The following SLC22A12 variants were observed in gnomAD, a reference collection of about 807,000 sequenced individuals.
The protein encoded by SLC22A12 is solute carrier family 22 member 12.
In SLC22A12, 56 loss-of-function variants were observed where a neutral mutation model predicts 52.7. The ratio of observed to expected loss-of-function variants is 1.06; its 90% CI spans 0.86 to 1.33. The LOEUF (loss-of-function observed/expected upper bound fraction) is 1.33, where lower values mean the gene tolerates loss of function less well. Among genes scored for constraint, SLC22A12 ranks in the 40% most tolerant of loss-of-function variants. SLC22A12 has a pLI of 0.00. For missense variants in SLC22A12, 683 were observed against 741.5 expected (o/e 0.92, Z 0.92); for synonymous variants, 337 against 324.6 (o/e 1.04, Z -0.41).
chr11:64,601,372 T>G, intron 9 of SLC22A12, 116 bp from the exon 10 acceptor site: 1 of 1,053,588 alleles, frequency 9.5e-7, no homozygotes, highest in Non-Finnish European at 1.4e-6. Context: ...GGAGCTCAGT[T>G]CTGGGCCCCC....
At chr11:64,598,282 T>G (rs992415660) in intron 4 of SLC22A12, among the ~76,000 whole-genome samples, 9 of 152,018 alleles carry the variant, frequency 5.9e-5, no homozygotes, top group African/African-American at 2.2e-4. Flanking sequence ...AGCCCCAGGA[T>G]GAGAACAGCA....
chr11:64,593,958 C>T (rs943002077), intron 4 of SLC22A12, among the ~76,000 whole-genome samples, 155 bp downstream of exon 4: 1 of 152,138 alleles, frequency 6.6e-6, no homozygotes. Flanking sequence ...GAGTGTACCA[C>T]CCACAAACCC....
At chr11:64,593,001 G>C in intron 2 of SLC22A12, 119 bp downstream of exon 2, 2 of 917,824 alleles carry the variant, frequency 2.2e-6, no homozygotes, top group Non-Finnish European at 3.4e-6. Flanking sequence ...CGCCCTACTT[G>C]CTGGGTGTGG....
Position 64,591,279 on chromosome 11 carries a change from G to A in SLC22A12, c.-278G>A. ...CTACTTTCCAAATTCAGCTTTCCCG[G>A]GAGGTCTGGAGCAGCTGCCTCTCTG... On this transcript the variant is annotated 5_prime_UTR_variant, in exon 1 of 10. Coordinates refer to ENST00000377574, the MANE Select transcript of SLC22A12 (RefSeq NM_144585.4). 8.0e-6 allele frequency: 4 copies of A among 498,674 alleles called. No individual in the cohort carries two copies. Among genetic ancestry groups the A allele is most frequent in the Non-Finnish European group, 1.1e-5 (3 of 280,232 alleles). The allele number at this position is 498,674 out of a possible 1,614,324, so 30.9% of individuals were successfully genotyped here.
chr11:64,597,496 C>T (rs1026631276), intron 4 of SLC22A12, among the ~76,000 whole-genome samples: 2 of 152,206 alleles, frequency 1.3e-5, no homozygotes, highest in African/African-American at 4.8e-5. Flanking sequence ...ACCAGAGTCA[C>T]AGTGGCCATG....
chr11:64,598,053 A>G (rs1424172140), intron 4 of SLC22A12, among the ~76,000 whole-genome samples: 1 of 152,060 alleles, frequency 6.6e-6, no homozygotes, highest in East Asian at 1.9e-4. Context: ...GGTGGACAGG[A>G]AGGCCATGTG....
intron 1 of SLC22A12, 81 bp from the exon 2 acceptor site, chr11:64,592,698 G>A: frequency 1.7e-6 from 2 of 1,181,308 alleles, no homozygotes; most frequent in East Asian, 2.3e-5. Context: ...CAGCTCCCTG[G>A]GGGCCCTCCC....
chr11:64,597,800 C>G lies in SLC22A12; in HGVS notation c.831-716C>G, dbSNP rs553388963. Among the ~76,000 whole-genome samples, 13 of 152,186 alleles carry G rather than the reference C, an allele frequency of 8.5e-5. No individual in the cohort carries two copies. The South Asian group carries it at 2.7e-3, about 32-fold the overall frequency. On this transcript the variant is annotated intron_variant, in intron 4 of 9. Coordinates refer to ENST00000377574, the MANE Select transcript of SLC22A12 (RefSeq NM_144585.4). ...GGGGCGGGACGGTGTGGCATAAGCTCGGTTTGACACTGAGGGTAGTGGGAG... is the reference window on the plus strand; with the variant it reads ...GGGGCGGGACGGTGTGGCATAAGCTGGGTTTGACACTGAGGGTAGTGGGAG...
intron 6 of SLC22A12, 112 bp from the exon 7 acceptor site, chr11:64,599,564 G>C: frequency 1.3e-6 from 1 of 766,886 alleles, no homozygotes; most frequent in Non-Finnish European, 2.1e-6. Context: ...AGAACACTGA[G>C]CTAAGAGCAG....
Position 64,593,631 on chromosome 11 carries a change from G to T in SLC22A12, c.662-4G>T, listed in dbSNP as rs1465348289. On this transcript the variant is annotated splice_polypyrimidine_tract_variant and splice_region_variant and intron_variant, in intron 3 of 9. Coordinates refer to ENST00000377574, the MANE Select transcript of SLC22A12 (RefSeq NM_144585.4). Reference sequence around the variant, plus strand: ...CAGGGCTGAACCACTCGGTCTCCTTGCAGTGATGGAGTGGACGGCGGCACG... The same window carrying T: ...CAGGGCTGAACCACTCGGTCTCCTTTCAGTGATGGAGTGGACGGCGGCACG... 6.2e-7 allele frequency: 1 copy of T among 1,614,190 alleles called. No individual in the cohort carries two copies. The highest frequency in any genetic ancestry group is 1.1e-5 in the South Asian group (1 of 91,088).
intron 4 of SLC22A12, among the ~76,000 whole-genome samples, chr11:64,595,826 C>CGGTTGAATGGAT (rs150528450): frequency 0.96 from 127,163 of 132,776 alleles, 61,022 homozygotes; most frequent in South Asian, 0.99. Flanking sequence ...GATGGATGGA[C>CGGTTGAATGGAT]GGTTGAATGG....
intron 2 of SLC22A12, 94 bp downstream of exon 2, chr11:64,592,976 A>C: frequency 8.3e-7 from 1 of 1,211,446 alleles, no homozygotes; most frequent in South Asian, 1.2e-5. Context: ...GCCTCACAAA[A>C]CCAAGTCTAG....
In SLC22A12 at chr11:64,601,482, G is replaced by A. The variant is rs1481563250; in HGVS notation, c.1599-6G>A. 4.3e-6 allele frequency: 7 copies of A among 1,613,352 alleles called. No homozygotes were observed. The highest frequency in any genetic ancestry group is 2.7e-5 in the African/African-American group (2 of 74,870). On this transcript the variant is annotated splice_region_variant and splice_polypyrimidine_tract_variant and intron_variant, in intron 9 of 9. Coordinates refer to ENST00000377574, the MANE Select transcript of SLC22A12 (RefSeq NM_144585.4). ...CAAGACACACCCCCGTGTGCTTCCT[G>A]AACAGGGCAGTAAAGAAGGCAACAC... is the stretch of plus-strand genomic sequence containing the variant.
Position 64,593,462 on chromosome 11 carries a change from G to A in SLC22A12, c.564G>A (p.Thr188=), listed in dbSNP as rs200050310. 83 of 1,614,100 alleles carry A rather than the reference G, an allele frequency of 5.1e-5. No individual in the cohort carries two copies. The East Asian group carries it at 9.6e-4, about 19-fold the overall frequency. Reference sequence around the variant, plus strand: ...ACCTTCAGATGGCTGTGATGGGTACGGCAGCTGCCTTCGCCCCTGCCTTCC... The same window carrying A: ...ACCTTCAGATGGCTGTGATGGGTACAGCAGCTGCCTTCGCCCCTGCCTTCC... The part of the protein sequence containing the change: ...WSYLQMAVMG[T]AAAFAPAFPV... Residue 188 remains threonine (T), a synonymous_variant, in exon 3 of 10, where the codon ACG becomes ACA. Transcript: ENST00000377574.
chr11:64,598,487 T>C (rs764900055), intron 4 of SLC22A12, 29 bp from the exon 5 acceptor site: 85 of 1,555,750 alleles, frequency 5.5e-5, no homozygotes, highest in Non-Finnish European at 7.3e-5. Flanking sequence ...CCACAGGCAA[T>C]GACCCCTCCC....
rs766798648 is a variant in SLC22A12 at position 64,600,863 on chromosome 11, G to T, written c.1523G>T (p.Ser508Ile). 6.2e-7 allele frequency: 1 copy of T among 1,609,220 alleles called. No individual in the cohort carries two copies. The highest frequency in any genetic ancestry group is 8.5e-7 in the Non-Finnish European group (1 of 1,179,982). ...LLVYGTVPVL[S>I]GLAALLLPET... ...GTGTATGGGACGGTGCCAGTGCTGA[G>T]TGGCCTGGCCGCACTGCTTCTGCCC... The change falls in exon 9 of 10, where the codon AGT becomes ATT. Residue 508 changes from serine to isoleucine, a missense_variant. Coordinates refer to ENST00000377574, the MANE Select transcript of SLC22A12 (RefSeq NM_144585.4).
intron 7 of SLC22A12, among the ~76,000 whole-genome samples, 178 bp from the exon 8 acceptor site, chr11:64,600,189 G>A (rs1037353872): frequency 7.9e-5 from 12 of 152,204 alleles, no homozygotes; most frequent in African/African-American, 2.4e-4. Flanking sequence ...GTGTCTGAGC[G>A]TGGAGCAGAT....
intron 6 of SLC22A12, 137 bp downstream of exon 6, chr11:64,599,060 A>G (rs2039351461): frequency 1.5e-6 from 2 of 1,306,726 alleles, no homozygotes; most frequent in Admixed American, 4.0e-5. Flanking sequence ...TCTGTCAGTC[A>G]CTCCCGACAG....
intron 4 of SLC22A12, among the ~76,000 whole-genome samples, chr11:64,597,797 G>A (rs1420393971): frequency 6.6e-6 from 1 of 152,176 alleles, no homozygotes; most frequent in African/African-American, 2.4e-5. Flanking sequence ...TGTGGCATAA[G>A]CTCGGTTTGA....
Sources: gnomAD v4.1 joint callset for allele counts (sites outside exome capture counted in the v4.1 genomes callset) on GRCh38, gnomAD v4.1.1 for gene constraint, MANE v1.5 for transcripts, NCBI Gene and HGNC (gene_info 2026-07-23, HGNC 2026-07-21) for gene names.